B3GALT1: variants seen among roughly 807,000 people sequenced by gnomAD.
B3GALT1 encodes beta-1,3-galactosyltransferase 1.
Under a neutral mutation model 23.2 loss-of-function variants are expected in B3GALT1, and 10 were observed. That is an observed-to-expected ratio of 0.43 (90% CI 0.27 to 0.73). B3GALT1 has a LOEUF of 0.73. Ranked by LOEUF, B3GALT1 falls within the 30% of genes least tolerant of loss-of-function variation. The probability of loss-of-function intolerance (pLI) is 0.21; values close to 1 mark genes in which losing one functional copy is unlikely to be tolerated. For missense variants in B3GALT1, 299 were observed against 405.4 expected (o/e 0.74, Z 2.25); for synonymous variants, 156 against 141.5 (o/e 1.10, Z -0.73).
chr2:167,659,974 T>C (rs1014453169), intron 3 of B3GALT1, among the ~76,000 whole-genome samples: 5 of 152,030 alleles, frequency 3.3e-5, no homozygotes, highest in African/African-American at 1.2e-4. Flanking sequence ...TTCAGGTCTG[T>C]TTGTCGTGAT....
chr2:167,804,512 G>A (rs1016692386), intron 3 of B3GALT1, among the ~76,000 whole-genome samples: 3 of 151,594 alleles, frequency 2.0e-5, no homozygotes, highest in South Asian at 2.1e-4. Context: ...AGTGTGTGAT[G>A]TTCCCCTTCC....
chr2:167,629,360 C>T (rs902811133), intron 2 of B3GALT1, among the ~76,000 whole-genome samples: 6 of 151,666 alleles, frequency 4.0e-5, no homozygotes, highest in African/African-American at 1.5e-4. Context: ...ATAATTTTCC[C>T]TTGTTTTAAT....
At chr2:167,622,283 T>C (rs1240036909) in intron 2 of B3GALT1, among the ~76,000 whole-genome samples, 2 of 152,022 alleles carry the variant, frequency 1.3e-5, no homozygotes, top group African/African-American at 4.8e-5. Context: ...CTGAGTCTGT[T>C]GTGATAACTT....
intron 1 of B3GALT1, among the ~76,000 whole-genome samples, chr2:167,456,424 A>G (rs1699174919): frequency 6.6e-6 from 1 of 152,210 alleles, no homozygotes; most frequent in Non-Finnish European, 1.5e-5. Flanking sequence ...TGGAGAAGAC[A>G]TACATCCAAA....
intron 1 of B3GALT1, among the ~76,000 whole-genome samples, chr2:167,422,139 A>G (rs1205335154): frequency 1.3e-5 from 2 of 150,408 alleles, no homozygotes; most frequent in Non-Finnish European, 3.0e-5. Context: ...AAGGGGGAGG[A>G]GGAGGGAGGA....
At chr2:167,706,097 G>T (rs1686963306) in intron 3 of B3GALT1, among the ~76,000 whole-genome samples, 1 of 152,144 alleles carries the variant, frequency 6.6e-6, no homozygotes, top group East Asian at 1.9e-4. Context: ...CAGTAACTGA[G>T]CTCTCTATAC....
chr2:167,613,049 G>T (rs2105433374), intron 2 of B3GALT1, among the ~76,000 whole-genome samples: 1 of 152,034 alleles, frequency 6.6e-6, no homozygotes, highest in Non-Finnish European at 1.5e-5. Flanking sequence ...GAGCAATGGG[G>T]ACAGGTAAAG....
intron 3 of B3GALT1, among the ~76,000 whole-genome samples, chr2:167,680,451 C>G (rs903195322): frequency 5.9e-5 from 9 of 152,062 alleles, no homozygotes; most frequent in Non-Finnish European, 1.2e-4. Flanking sequence ...CACAAGTATA[C>G]ATCAAAATCT....
intron 4 of B3GALT1, among the ~76,000 whole-genome samples, chr2:167,848,809 T>A (rs1273376591): frequency 2.6e-5 from 4 of 152,188 alleles, no homozygotes; most frequent in Non-Finnish European, 4.4e-5. Flanking sequence ...AAACTGTCAT[T>A]GTTTGCTGAT....
At chr2:167,512,570 A>ATATATATATGTATATATATATGTG (rs1246525290) in intron 2 of B3GALT1, among the ~76,000 whole-genome samples, 7 of 91,162 alleles carry the variant, frequency 7.7e-5, no homozygotes, top group Admixed American at 2.3e-4. Context: ...ATATATATGT[A>ATATATATATGTATATATATATGTG]TATATATATG....
chr2:167,379,602 A>G lies in B3GALT1; in HGVS notation c.-511+86268A>G, dbSNP rs189291595. On this transcript the variant is annotated intron_variant, in intron 1 of 4. Transcript: ENST00000392690. Reference sequence around the variant, plus strand: ...ATGCTTAAAGGTAAGAGTTGGCTACAGGCAATGTGGCTGGGCATGTATTTG... The same window carrying G: ...ATGCTTAAAGGTAAGAGTTGGCTACGGGCAATGTGGCTGGGCATGTATTTG... 3.8e-4 allele frequency among the ~76,000 whole-genome samples: 58 copies of G among 152,286 alleles called. 1 individual carries two copies. Among genetic ancestry groups the G allele is most frequent in the African/African-American group, 1.2e-3 (49 of 41,568 alleles).
chr2:167,451,152 C>T (rs545157943), intron 1 of B3GALT1, among the ~76,000 whole-genome samples: 1 of 151,994 alleles, frequency 6.6e-6, no homozygotes, highest in Non-Finnish European at 1.5e-5. Context: ...CTGATCCCTC[C>T]TTGATTAGCT....
chr2:167,337,551 G>A (rs1254757897), intron 1 of B3GALT1, among the ~76,000 whole-genome samples: 1 of 151,976 alleles, frequency 6.6e-6, no homozygotes, highest in Non-Finnish European at 1.5e-5. Flanking sequence ...AAATAGATTT[G>A]TGTATTCATT....
intron 1 of B3GALT1, among the ~76,000 whole-genome samples, chr2:167,462,275 C>G (rs1699269610): frequency 6.6e-6 from 1 of 151,966 alleles, no homozygotes; most frequent in Non-Finnish European, 1.5e-5. Context: ...TACAAGCTTC[C>G]TGAGAATATA....
chr2:167,730,140 C>T (rs1261136306), intron 3 of B3GALT1, among the ~76,000 whole-genome samples: 4 of 152,182 alleles, frequency 2.6e-5, no homozygotes, highest in Non-Finnish European at 5.9e-5. Context: ...ATGGTCCAAT[C>T]TATTTTCTGG....
intron 3 of B3GALT1, among the ~76,000 whole-genome samples, chr2:167,703,838 C>A (rs1449926238): frequency 6.6e-6 from 1 of 152,136 alleles, no homozygotes; most frequent in Non-Finnish European, 1.5e-5. Flanking sequence ...AAGACTCCTA[C>A]TGACTGACCC....
intron 1 of B3GALT1, among the ~76,000 whole-genome samples, chr2:167,436,069 A>G (rs1559095825): frequency 6.6e-6 from 1 of 151,988 alleles, no homozygotes; most frequent in Non-Finnish European, 1.5e-5. Context: ...TCTGCCCAAC[A>G]TATGACCCCC....
intron 2 of B3GALT1, among the ~76,000 whole-genome samples, chr2:167,525,620 AT>A (rs1373343977): frequency 2.7e-5 from 4 of 150,928 alleles, no homozygotes; most frequent in Admixed American, 6.6e-5. Context: ...GAGCTCTTTC[AT>A]TTTTTTTATT....
At chr2:167,494,347 AG>A (rs1338640705) in intron 2 of B3GALT1, among the ~76,000 whole-genome samples, 1 of 151,976 alleles carries the variant, frequency 6.6e-6, no homozygotes, top group Non-Finnish European at 1.5e-5. Context: ...AAAAAAAAAA[AG>A]ATATCAGTTA....
Sources: gnomAD v4.1 joint callset for allele counts (sites outside exome capture counted in the v4.1 genomes callset) on GRCh38, gnomAD v4.1.1 for gene constraint, MANE v1.5 for transcripts, NCBI Gene and HGNC (gene_info 2026-07-23, HGNC 2026-07-21) for gene names.